PTCD3: variants seen among roughly 807,000 people sequenced by gnomAD.
PTCD3 encodes small ribosomal subunit protein mS39.
Under a neutral mutation model 101.9 loss-of-function variants are expected in PTCD3, and 89 were observed. The observed-to-expected ratio is 0.87, with a 90% CI of 0.74 to 1.04. The LOEUF is 1.04. PTCD3 is among the 50% of genes least tolerant of loss of function. The pLI, the probability that PTCD3 is intolerant of heterozygous loss-of-function variation, is 0.00. For synonymous variants in PTCD3, 296 were observed against 278.5 expected (o/e 1.06, Z -0.63); for missense variants, 870 against 828.2 (o/e 1.05, Z -0.62).
At chr2:86,111,929 A>T (rs916535527) in intron 4 of PTCD3, 2 of 152,000 alleles carry the variant, frequency 1.3e-5, no homozygotes, top group African/African-American at 4.8e-5. Flanking sequence ...TTTTAAGTAG[A>T]GACGGGGTTT....
intron 4 of PTCD3, among the ~76,000 whole-genome samples, chr2:86,113,883 C>G (rs1674132528): frequency 6.6e-6 from 1 of 152,126 alleles, no homozygotes; most frequent in Non-Finnish European, 1.5e-5. Context: ...CACTGGTGTA[C>G]TCTACCAGTT....
At chr2:86,114,213 C>A (rs940018034) in intron 4 of PTCD3, among the ~76,000 whole-genome samples, 2 of 152,064 alleles carry the variant, frequency 1.3e-5, no homozygotes, top group African/African-American at 4.8e-5. Context: ...TTGTGTAGTT[C>A]TAGAGGGGAA....
In PTCD3 at chr2:86,127,397, G is replaced by T. The variant is rs576285551; in HGVS notation, c.1096+92G>T. The T allele has an allele frequency of 2.9e-6, 4 of 1,394,052 alleles. No homozygotes were observed. In the African/African-American group the frequency reaches 5.8e-5, roughly 20 times the overall value. 86.4% of individuals were successfully genotyped at this position (1,394,052 alleles called of 1,614,324 possible). On this transcript the variant is annotated intron_variant, in intron 13 of 23. Coordinates refer to ENST00000254630, the MANE Select transcript of PTCD3 (RefSeq NM_017952.6). ...AAGCAAAGAGCTTTAAATTATTCTT[G>T]TGCTTACATAATATGTTGGAAATTT...
Position 86,108,546 on chromosome 2 carries a change from C to T in PTCD3, c.194+10C>T. The T allele has an allele frequency of 6.3e-7, 1 of 1,590,956 alleles. No homozygotes were observed. Among genetic ancestry groups the T allele is most frequent in the Non-Finnish European group, 8.5e-7 (1 of 1,172,152 alleles). On this transcript the variant is annotated intron_variant, in intron 3 of 23. Transcript: ENST00000254630. ...CAAAAAAGAAAACTTGGTAAGTATTCTATCAGTGTTCATTCAGCAAATGGT... is the reference window on the plus strand; with the variant it reads ...CAAAAAAGAAAACTTGGTAAGTATTTTATCAGTGTTCATTCAGCAAATGGT...
At chr2:86,134,069 T>A (rs1674537438) in intron 19 of PTCD3, among the ~76,000 whole-genome samples, 1 of 152,190 alleles carries the variant, frequency 6.6e-6, no homozygotes, top group Non-Finnish European at 1.5e-5. Flanking sequence ...GCTGCTCCCA[T>A]GTAGTGCACA....
At chr2:86,123,645 G>T in intron 8 of PTCD3, 56 bp from the exon 9 acceptor site, 1 of 1,320,902 alleles carries the variant, frequency 7.6e-7, no homozygotes, top group Non-Finnish European at 1.0e-6. Flanking sequence ...TAGTCTGACT[G>T]GGAAATGCAT....
At chr2:86,129,029 T>C (rs1485674269) in intron 14 of PTCD3, among the ~76,000 whole-genome samples, 1 of 152,184 alleles carries the variant, frequency 6.6e-6, no homozygotes, top group African/African-American at 2.4e-5. Flanking sequence ...TGTTTCTCTC[T>C]GGTTTGGAGG....
At chr2:86,115,127 C>A (rs1478572423) in intron 4 of PTCD3, among the ~76,000 whole-genome samples, 1 of 152,188 alleles carries the variant, frequency 6.6e-6, no homozygotes, top group Non-Finnish European at 1.5e-5. Flanking sequence ...CTTAGCAGTT[C>A]TAGGAATGGT....
At chr2:86,124,369 A>C (rs1674344806) in intron 9 of PTCD3, among the ~76,000 whole-genome samples, 1 of 152,210 alleles carries the variant, frequency 6.6e-6, no homozygotes, top group Admixed American at 6.5e-5. Context: ...TCACACCTGT[A>C]ATCCTGGTGC....
intron 20 of PTCD3, 134 bp from the exon 21 acceptor site, chr2:86,134,705 C>A: frequency 9.8e-7 from 1 of 1,021,952 alleles, no homozygotes; most frequent in Non-Finnish European, 1.4e-6. Context: ...TATTAAATTA[C>A]TTGTGTGCTA....
chr2:86,121,275 A>G (rs574014521), intron 7 of PTCD3, among the ~76,000 whole-genome samples: 99 of 152,300 alleles, frequency 6.5e-4, no homozygotes, highest in African/African-American at 2.3e-3. Context: ...TTCTACGTCA[A>G]ATTACATGGT....
rs1289745036 is a variant in PTCD3 at position 86,116,558 on chromosome 2, A to C, written c.269A>C (p.Gln90Pro). 6.2e-7 allele frequency: 1 copy of C among 1,610,834 alleles called. No individual in the cohort carries two copies. The highest frequency in any genetic ancestry group is 8.5e-7 in the Non-Finnish European group (1 of 1,177,020). ...ACCACAGCTGTGCCTTATGTGTTTC[A>C]AGATGATCCTTACCTTATGCCAGCA... ...RDTTAVPYVFQDDPYLMPASS... is the reference protein window; with the variant it reads ...RDTTAVPYVFPDDPYLMPASS... The change falls in exon 5 of 24, where the codon CAA becomes CCA. Residue 90 changes from glutamine (Q) to proline (P), a missense_variant. Coordinates refer to ENST00000254630, the MANE Select transcript of PTCD3 (RefSeq NM_017952.6).
intron 4 of PTCD3, among the ~76,000 whole-genome samples, chr2:86,115,259 G>T (rs141154700): frequency 6.6e-6 from 1 of 152,286 alleles, no homozygotes; most frequent in African/African-American, 2.4e-5. Flanking sequence ...CAAAATTTTA[G>T]ATGCCTGATA....
chr2:86,133,459 C>A (rs202118057), intron 19 of PTCD3, 23 bp downstream of exon 19: 91 of 1,557,686 alleles, frequency 5.8e-5, no homozygotes, highest in Middle Eastern at 3.4e-4. Context: ...TTTTATGTGT[C>A]CAGGTGCATC....
chr2:86,127,473 G>A, intron 13 of PTCD3, 168 bp downstream of exon 13: 1 of 710,620 alleles, frequency 1.4e-6, no homozygotes, highest in Non-Finnish European at 2.2e-6. Flanking sequence ...TAGTGGGAGT[G>A]CCTTTATCAT....
At chr2:86,125,362 G>A in intron 10 of PTCD3, 93 bp from the exon 11 acceptor site, 2 of 1,337,888 alleles carry the variant, frequency 1.5e-6, no homozygotes, top group Non-Finnish European at 2.1e-6. Context: ...CTGATCTATT[G>A]AGCCTGAGCT....
chr2:86,132,144 A>C (rs971877436), intron 16 of PTCD3, among the ~76,000 whole-genome samples, 174 bp from the exon 17 acceptor site: 2 of 152,228 alleles, frequency 1.3e-5, no homozygotes, highest in Non-Finnish European at 2.9e-5. Context: ...TATTGTAATA[A>C]ATTTCACAGA....
rs143990892 is a variant in PTCD3 at position 86,106,673 on chromosome 2, G to A, written c.104+322G>A. Among the ~76,000 whole-genome samples the A allele has an allele frequency of 2.6e-3, 391 of 152,216 alleles. 2 individuals carry two copies. Among genetic ancestry groups the A allele is most frequent in the Non-Finnish European group, 3.4e-3 (228 of 68,026 alleles). On this transcript the variant is annotated intron_variant, in intron 1 of 23. Transcript: ENST00000254630. ...CACTACCCCAAATTAAAAATTATCC[G>A]CCATTACTCATTTTAACCCAATCAG...
chr2:86,126,558 T>C (rs1371794408), intron 12 of PTCD3, among the ~76,000 whole-genome samples: 1 of 152,150 alleles, frequency 6.6e-6, no homozygotes, highest in East Asian at 1.9e-4. Flanking sequence ...TAGAAACGGC[T>C]GGGCACGGTG....
Sources: allele counts gnomAD v4.1 joint callset (sites outside exome capture counted in the v4.1 genomes callset), GRCh38; gene constraint gnomAD v4.1.1; transcripts MANE v1.5; gene names NCBI Gene and HGNC (gene_info 2026-07-23, HGNC 2026-07-21).